Variants in DMD observed in about 807,000 individuals in gnomAD.
DMD encodes the protein dystrophin, also known as mutant dystrophin.
A neutral mutation model predicts 330.1 loss-of-function variants in DMD; 63 were observed. That is an observed-to-expected ratio of 0.19 (90% CI 0.16 to 0.24). The LOEUF (loss-of-function observed/expected upper bound fraction) is 0.24. Among genes scored for constraint, DMD ranks in the 10% least tolerant of loss-of-function variants. DMD has a pLI of 1.00. For missense variants in DMD, 3,344 were observed against 2,684.1 expected (o/e 1.25, Z -5.43); for synonymous variants, 1,223 against 959.8 (o/e 1.27, Z -5.07).
chrX:31,681,175 T>C (rs1205916511), intron 52 of DMD, among the ~76,000 whole-genome samples: 1 of 111,970 alleles, frequency 8.9e-6, no homozygotes, highest in Non-Finnish European at 1.9e-5. Context: ...ATCTGATCAC[T>C]GCACTCCCTC....
chrX:31,900,085 T>C (rs1304927737), intron 47 of DMD, among the ~76,000 whole-genome samples: 1 of 112,087 alleles, frequency 8.9e-6, no homozygotes, highest in African/African-American at 3.2e-5. Flanking sequence ...TTATGACTTA[T>C]GTGCCTTTGG....
intron 54 of DMD, among the ~76,000 whole-genome samples, chrX:31,641,501 CAAAAAAAAAAA>C (rs1048854739): frequency 2.1e-4 from 7 of 33,612 alleles, no homozygotes; most frequent in Non-Finnish European, 4.1e-4. Context: ...GACTCCGTCT[CAAAAAAAAAAA>C]AAAAAAAAAA....
At chrX:31,449,752 A>G (rs1295661923) in intron 59 of DMD, among the ~76,000 whole-genome samples, 6 of 80,135 alleles carry the variant, frequency 7.5e-5, no homozygotes, top group African/African-American at 2.7e-4. Context: ...GAGTTTATTT[A>G]TAAATGGTGT....
intron 61 of DMD, among the ~76,000 whole-genome samples, chrX:31,338,965 A>C (rs1435044837): frequency 3.3e-5 from 3 of 89,697 alleles, no homozygotes; most frequent in Non-Finnish European, 4.5e-5. Context: ...AAAAAAAAAA[A>C]CAAAGTGCCC....
intron 2 of DMD, among the ~76,000 whole-genome samples, chrX:32,968,033 C>T (rs1196892534): frequency 8.9e-6 from 1 of 111,763 alleles, no homozygotes; most frequent in Non-Finnish European, 1.9e-5. Context: ...CTATCATTTT[C>T]TTGAGAGCAA....
chrX:31,827,572 G>C (rs1175355447), intron 49 of DMD, among the ~76,000 whole-genome samples: 1 of 111,601 alleles, frequency 9.0e-6, no homozygotes, highest in African/African-American at 3.3e-5. Context: ...TAGAACAAAT[G>C]GACTTAACAG....
At chrX:32,055,282 C>G (rs1026642737) in intron 44 of DMD, among the ~76,000 whole-genome samples, 1 of 111,875 alleles carries the variant, frequency 8.9e-6, no homozygotes, top group Admixed American at 9.5e-5. Flanking sequence ...GTAAATTAAA[C>G]AGAGTAATGT....
At chrX:32,300,200 A>G (rs1011961583) in intron 42 of DMD, among the ~76,000 whole-genome samples, 1 of 111,990 alleles carries the variant, frequency 8.9e-6, no homozygotes, top group Non-Finnish European at 1.9e-5. Context: ...GAATTCAATC[A>G]TTGAACCTCT....
At chrX:33,183,362 A>G (rs944763060) in intron 1 of DMD, among the ~76,000 whole-genome samples, 2 of 111,865 alleles carry the variant, frequency 1.8e-5, no homozygotes, top group Non-Finnish European at 3.8e-5. Context: ...AGTGTTGTCA[A>G]CTAAACTCAG....
chrX:32,736,017 T>TC (rs2068421322), intron 7 of DMD, among the ~76,000 whole-genome samples: 1 of 111,471 alleles, frequency 9.0e-6, no homozygotes, highest in Non-Finnish European at 1.9e-5. Context: ...AACCTACTCA[T>TC]CTGACAAAGG....
chrX:33,257,747 C>G (rs1031641667), intron 1 of DMD, among the ~76,000 whole-genome samples: 20 of 110,544 alleles, frequency 1.8e-4, no homozygotes, highest in African/African-American at 6.2e-4. Context: ...TATATTTTTC[C>G]AAGCTTCTTG....
intron 60 of DMD, among the ~76,000 whole-genome samples, chrX:31,434,627 C>G (rs1432312854): frequency 9.0e-6 from 1 of 111,398 alleles, no homozygotes; most frequent in Admixed American, 9.6e-5. Context: ...GACTGAATCC[C>G]TATCATCTCA....
chrX:32,616,982 T>A (rs2057633175), intron 11 of DMD, among the ~76,000 whole-genome samples: 1 of 110,116 alleles, frequency 9.1e-6, no homozygotes, highest in Non-Finnish European at 1.9e-5. Flanking sequence ...ACATTTTGAG[T>A]TATAAGAAAC....
At chrX:32,532,158 A>G (rs2047542723) in intron 17 of DMD, among the ~76,000 whole-genome samples, 1 of 111,622 alleles carries the variant, frequency 9.0e-6, no homozygotes, top group African/African-American at 3.3e-5. Flanking sequence ...GTTCAATTAT[A>G]TGGAAATTCC....
At chrX:32,150,628 C>CT (rs1226644750) in intron 44 of DMD, among the ~76,000 whole-genome samples, 5 of 111,206 alleles carry the variant, frequency 4.5e-5, no homozygotes, top group African/African-American at 1.6e-4. Context: ...AAGGCAGCAC[C>CT]TTTTTTGCTA....
intron 44 of DMD, among the ~76,000 whole-genome samples, chrX:32,033,633 GA>G (rs1321107938): frequency 1.1e-4 from 6 of 52,913 alleles, no homozygotes; most frequent in African/African-American, 5.5e-4. Context: ...AAGAAAGAAA[GA>G]AAGAAAGAAA....
intron 1 of DMD, among the ~76,000 whole-genome samples, chrX:33,107,309 T>TTCCCC (rs2095297756): frequency 9.0e-5 from 2 of 22,200 alleles, no homozygotes; most frequent in African/African-American, 1.0e-4. Context: ...CGAAGCTCTG[T>TTCCCC]CCCCCCCCCC....
At chrX:31,340,230 T>C (rs758246488) in intron 61 of DMD, among the ~76,000 whole-genome samples, 2 of 112,369 alleles carry the variant, frequency 1.8e-5, no homozygotes, top group East Asian at 5.6e-4. Flanking sequence ...AAATAATGGA[T>C]CAGTTATTTC....
At chrX:31,200,640 T>C (rs1339172799) in intron 67 of DMD, among the ~76,000 whole-genome samples, 1 of 111,155 alleles carries the variant, frequency 9.0e-6, no homozygotes, top group African/African-American at 3.3e-5. Flanking sequence ...GTAGGAAAGG[T>C]CTGAGAGTTA....
Sources: allele counts gnomAD v4.1 joint callset (sites outside exome capture counted in the v4.1 genomes callset), GRCh38; gene constraint gnomAD v4.1.1; transcripts MANE v1.5; gene names NCBI Gene and HGNC (gene_info 2026-07-23, HGNC 2026-07-21).